Variants in LRRC75A observed in about 807,000 individuals in gnomAD.
The protein encoded by LRRC75A is leucine-rich repeat-containing protein 75A.
Under a neutral mutation model 26.0 loss-of-function variants are expected in LRRC75A, and 12 were observed. The ratio of observed to expected loss-of-function variants is 0.46; its 90% CI spans 0.30 to 0.75. LRRC75A has a LOEUF of 0.75. Among genes scored for constraint, LRRC75A ranks in the 30% least tolerant of loss-of-function variants. The probability of loss-of-function intolerance (pLI) is 0.08; values close to 1 mark genes in which losing one functional copy is unlikely to be tolerated. For missense variants in LRRC75A, 410 were observed against 486.6 expected, an observed-to-expected ratio of 0.84 and a Z score of 1.48; for synonymous variants, 223 against 219.3, an observed-to-expected ratio of 1.02 and a Z score of -0.15.
At chr17:16,456,818 TGCA>T (rs1601128885) in intron 2 of LRRC75A, among the ~76,000 whole-genome samples, 2 of 152,254 alleles carry the variant, frequency 1.3e-5, no homozygotes, top group Non-Finnish European at 2.9e-5. Context: ...TTCTGTTATG[TGCA>T]GCAGAATCCT....
At chr17:16,458,716 CGGCCTCCCAAAGTGCTCGGT>C (rs1295171651) in intron 2 of LRRC75A, among the ~76,000 whole-genome samples, 5 of 152,050 alleles carry the variant, frequency 3.3e-5, no homozygotes, top group Admixed American at 6.5e-5. Flanking sequence ...CCACCTGCCT[CGGCCTCCCAAAGTGCTCGGT>C]GGCCTCCCAA....
At chr17:16,452,432 ATT>A (rs34922220) in intron 2 of LRRC75A, among the ~76,000 whole-genome samples, 2 of 144,980 alleles carry the variant, frequency 1.4e-5, no homozygotes, top group African/African-American at 2.6e-5. Context: ...AGGCACAGGG[ATT>A]TTTTTTTTTT....
In LRRC75A at chr17:16,467,108, G is replaced by A. The variant is rs374805436; in HGVS notation, c.247-4722C>T. Among the ~76,000 whole-genome samples the A allele has an allele frequency of 1.2e-4, 19 of 152,122 alleles. No individual in the cohort carries two copies. In the East Asian group the frequency reaches 3.7e-3, roughly 29 times the overall value. ...CCTCACTTGGTTTTTCTTTTCCTTT[G>A]GAAAATATAGTTATTTTCATAAAAA... On this transcript the variant is annotated intron_variant, in intron 1 of 3. Transcript: ENST00000470794.
At chr17:16,471,186 G>C (rs902953704) in intron 1 of LRRC75A, among the ~76,000 whole-genome samples, 3 of 152,232 alleles carry the variant, frequency 2.0e-5, no homozygotes, top group Admixed American at 1.3e-4. Context: ...AGAGAAGGCA[G>C]CAATGTGAAG....
chr17:16,476,859 C>G (rs1039928031), intron 1 of LRRC75A, among the ~76,000 whole-genome samples: 37 of 151,926 alleles, frequency 2.4e-4, no homozygotes, highest in Admixed American at 7.2e-4. Flanking sequence ...CTGCCTCAGC[C>G]TCCCAAGTAG....
chr17:16,471,647 G>T (rs2093806448), intron 1 of LRRC75A, among the ~76,000 whole-genome samples: 2 of 152,226 alleles, frequency 1.3e-5, no homozygotes, highest in African/African-American at 4.8e-5. Context: ...GGGCAGGGCT[G>T]TACTAGTCAG....
chr17:16,474,929 C>A (rs1601192437), intron 1 of LRRC75A, among the ~76,000 whole-genome samples: 2 of 150,150 alleles, frequency 1.3e-5, no homozygotes, highest in South Asian at 2.1e-4. Flanking sequence ...GGAGGCGGAG[C>A]TTGCAGTGAG....
chr17:16,478,980 A>C (rs2143396676), intron 1 of LRRC75A, among the ~76,000 whole-genome samples: 1 of 152,358 alleles, frequency 6.6e-6, no homozygotes, highest in South Asian at 2.1e-4. Context: ...TCATTCCCCC[A>C]GAACTGCTAG....
intron 1 of LRRC75A, among the ~76,000 whole-genome samples, chr17:16,483,718 G>T (rs755653613): frequency 7.9e-5 from 12 of 152,140 alleles, no homozygotes; most frequent in Non-Finnish European, 1.6e-4. Flanking sequence ...AGGGCTCCTG[G>T]CTCCCAGTGA....
intron 2 of LRRC75A, among the ~76,000 whole-genome samples, chr17:16,454,028 A>G (rs2093656518): frequency 6.6e-6 from 1 of 152,148 alleles, no homozygotes; most frequent in African/African-American, 2.4e-5. Context: ...GCCTATCACC[A>G]TTAGATCACA....
intron 2 of LRRC75A, among the ~76,000 whole-genome samples, chr17:16,456,811 T>C (rs1035379084): frequency 6.6e-6 from 1 of 152,264 alleles, no homozygotes; most frequent in Non-Finnish European, 1.5e-5. Flanking sequence ...CCTGGGCTTC[T>C]GTTATGTGCA....
At chr17:16,456,285 GGAGGAAGAGAAGGAA>G (rs2093681522) in intron 2 of LRRC75A, among the ~76,000 whole-genome samples, 1 of 144,022 alleles carries the variant, frequency 6.9e-6, no homozygotes, top group Non-Finnish European at 1.5e-5. Context: ...AGGAAGAGGA[GGAGGAAGAGAAGGAA>G]GAGGAGGAGG....
At chr17:16,468,792 A>G (rs1462647289) in intron 1 of LRRC75A, among the ~76,000 whole-genome samples, 1 of 152,180 alleles carries the variant, frequency 6.6e-6, no homozygotes, top group Non-Finnish European at 1.5e-5. Flanking sequence ...GGGAGGCTGA[A>G]GCAGGAGGAC....
At position 16,474,891 on chromosome 17, in the gene LRRC75A, G is replaced by C. The variant is rs545903231; in HGVS notation, c.247-12505C>G. Among the ~76,000 whole-genome samples, 3 of 151,878 alleles carry C rather than the reference G, an allele frequency of 2.0e-5. No homozygotes were observed. In the East Asian group the frequency reaches 5.8e-4, roughly 30 times the overall value. On this transcript the variant is annotated intron_variant, in intron 1 of 3. Coordinates refer to ENST00000470794, the MANE Select transcript of LRRC75A (RefSeq NM_001113567.3). ...GCCTGTAGTCCCAGCTACTCGGGAGGCTGAGGCAGGAGAATGGCGTGAACC... is the reference window on the plus strand; with the variant it reads ...GCCTGTAGTCCCAGCTACTCGGGAGCCTGAGGCAGGAGAATGGCGTGAACC...
At chr17:16,459,138 T>G (rs1435075342) in intron 2 of LRRC75A, among the ~76,000 whole-genome samples, 1 of 152,244 alleles carries the variant, frequency 6.6e-6, no homozygotes, top group East Asian at 1.9e-4. Flanking sequence ...TGTTGCCTGC[T>G]TCCTGCCTGG....
At chr17:16,482,789 G>A (rs974381281) in intron 1 of LRRC75A, among the ~76,000 whole-genome samples, 1 of 152,232 alleles carries the variant, frequency 6.6e-6, no homozygotes, top group African/African-American at 2.4e-5. Context: ...CATCTTGGCC[G>A]GCCCTGCTTT....
chr17:16,454,469 A>G (rs192552103), intron 2 of LRRC75A, among the ~76,000 whole-genome samples: 1 of 151,990 alleles, frequency 6.6e-6, no homozygotes, highest in Non-Finnish European at 1.5e-5. Context: ...AGGGGGGCGG[A>G]TCACCTGAGG....
chr17:16,481,563 C>T (rs1237004738), intron 1 of LRRC75A, among the ~76,000 whole-genome samples: 1 of 152,144 alleles, frequency 6.6e-6, no homozygotes, highest in Non-Finnish European at 1.5e-5. Flanking sequence ...TTCAATCTTC[C>T]ACACCTGGGC....
At chr17:16,478,931 G>T (rs927617970) in intron 1 of LRRC75A, among the ~76,000 whole-genome samples, 1 of 152,246 alleles carries the variant, frequency 6.6e-6, no homozygotes. Context: ...TAAGCCTGAA[G>T]AAGTGGAAGT....
Sources: gnomAD v4.1 joint callset for allele counts (sites outside exome capture counted in the v4.1 genomes callset) on GRCh38, gnomAD v4.1.1 for gene constraint, MANE v1.5 for transcripts, NCBI Gene and HGNC (gene_info 2026-07-23, HGNC 2026-07-21) for gene names.